The following MYO5B variants were observed in gnomAD, a reference collection of about 807,000 sequenced individuals.
MYO5B encodes the protein myosin VB, also known as unconventional myosin-Vb.
A neutral mutation model predicts 229.3 loss-of-function variants in MYO5B; 143 were observed. The ratio of observed to expected loss-of-function variants is 0.62; its 90% CI spans 0.54 to 0.72. MYO5B has a LOEUF of 0.72. MYO5B is among the 30% of genes least tolerant of loss of function. The pLI is 0.00. For missense variants in MYO5B, 2,321 were observed against 2,331.0 expected, an observed-to-expected ratio of 1.00 and a Z score of 0.09; for synonymous variants, 918 against 885.2, an observed-to-expected ratio of 1.04 and a Z score of -0.66.
At chr18:49,877,184 A>C (rs17657805) in intron 25 of MYO5B, among the ~76,000 whole-genome samples, 6,509 of 152,234 alleles carry the variant, frequency 0.043, 176 homozygotes, top group South Asian at 0.15. Context: ...CCAGAGGAAA[A>C]ATTGTATCTT....
intron 2 of MYO5B, among the ~76,000 whole-genome samples, chr18:50,052,641 C>T (rs1283421193): frequency 2.0e-5 from 3 of 149,792 alleles, no homozygotes; most frequent in African/African-American, 7.4e-5. Context: ...ACCAGCATGG[C>T]ACATGTATAC....
chr18:49,990,594 G>C, intron 6 of MYO5B, 74 bp from the exon 7 acceptor site: 1 of 1,282,228 alleles, frequency 7.8e-7, no homozygotes, highest in Non-Finnish European at 1.1e-6. Context: ...TGTAATCCCA[G>C]GGTGCTCCAG....
chr18:50,057,077 A>G (rs1285530391), intron 1 of MYO5B, among the ~76,000 whole-genome samples: 1 of 152,250 alleles, frequency 6.6e-6, no homozygotes, highest in African/African-American at 2.4e-5. Context: ...TGAGAGCTCC[A>G]GAGTAAAATA....
intron 1 of MYO5B, among the ~76,000 whole-genome samples, chr18:50,107,366 C>T (rs1371652868): frequency 7.2e-5 from 11 of 151,782 alleles, no homozygotes; most frequent in Admixed American, 2.0e-4. Flanking sequence ...ATCCAGGGTG[C>T]TCTTGAAGAA....
chr18:49,935,570 G>A (rs1361080640), intron 16 of MYO5B, among the ~76,000 whole-genome samples: 1 of 152,230 alleles, frequency 6.6e-6, no homozygotes, highest in Non-Finnish European at 1.5e-5. Flanking sequence ...TGTGGTCTCA[G>A]ATGTGCTGAA....
At chr18:49,937,428 GTGACA>G (rs2025264024) in intron 14 of MYO5B, 31 bp from the exon 15 acceptor site, 1 of 1,611,082 alleles carries the variant, frequency 6.2e-7, no homozygotes. Flanking sequence ...AATGATGAAA[GTGACA>G]TCTCCTGCAC....
chr18:49,900,413 C>T (rs1196170816), intron 21 of MYO5B, among the ~76,000 whole-genome samples: 1 of 152,192 alleles, frequency 6.6e-6, no homozygotes, highest in Non-Finnish European at 1.5e-5. Context: ...GCTTTGCTTC[C>T]CCAGTAAGGA....
chr18:49,858,643 G>A (rs530871234), intron 29 of MYO5B, among the ~76,000 whole-genome samples: 6 of 152,358 alleles, frequency 3.9e-5, no homozygotes, highest in African/African-American at 9.6e-5. Context: ...ACTCACACAA[G>A]GAAGTTAGGA....
chr18:49,901,347 C>T (rs2024839570), intron 21 of MYO5B, among the ~76,000 whole-genome samples: 3 of 152,160 alleles, frequency 2.0e-5, no homozygotes. Flanking sequence ...CTCGTCTATT[C>T]CATTAGACAA....
At chr18:50,160,848 T>C (rs1320155486) in intron 1 of MYO5B, among the ~76,000 whole-genome samples, 1 of 152,144 alleles carries the variant, frequency 6.6e-6, no homozygotes, top group African/African-American at 2.4e-5. Context: ...TTCAGAACTG[T>C]GTGGAGACTG....
At chr18:49,961,603 C>G (rs1023125229) in intron 12 of MYO5B, among the ~76,000 whole-genome samples, 4 of 152,266 alleles carry the variant, frequency 2.6e-5, no homozygotes, top group African/African-American at 4.8e-5. Context: ...CCTGGAGGAA[C>G]TGGTATATAT....
At chr18:50,067,413 G>A (rs1057340022) in intron 1 of MYO5B, among the ~76,000 whole-genome samples, 3 of 152,146 alleles carry the variant, frequency 2.0e-5, no homozygotes, top group African/African-American at 7.2e-5. Context: ...CAGATGAGCG[G>A]TGCTGCCCTC....
intron 1 of MYO5B, among the ~76,000 whole-genome samples, chr18:50,124,512 T>G (rs1444952918): frequency 7.5e-6 from 1 of 133,810 alleles, no homozygotes; most frequent in Non-Finnish European, 1.6e-5. Context: ...TCAAGTTGTT[T>G]TCAAGTGAAT....
chr18:49,850,390 A>G (rs1427175764), intron 31 of MYO5B: 1 of 152,924 alleles, frequency 6.5e-6, no homozygotes, highest in Non-Finnish European at 1.5e-5. Flanking sequence ...ACATTGGGTG[A>G]CAACTTTTTA....
intron 17 of MYO5B, among the ~76,000 whole-genome samples, chr18:49,915,872 C>T (rs2025008332): frequency 1.3e-5 from 2 of 152,188 alleles, no homozygotes; most frequent in Admixed American, 6.5e-5. Flanking sequence ...CCTGTCTCGG[C>T]CCCCAAGTTT....
chr18:50,094,371 C>G (rs2031509821), intron 1 of MYO5B, among the ~76,000 whole-genome samples: 1 of 152,046 alleles, frequency 6.6e-6, no homozygotes, highest in Admixed American at 6.6e-5. Context: ...GGCTTAGAAA[C>G]AGGGAGGGGA....
At chr18:49,826,715 G>T in intron 39 of MYO5B, 92 bp from the exon 40 acceptor site, 1 of 1,450,242 alleles carries the variant, frequency 6.9e-7, no homozygotes, top group Non-Finnish European at 9.7e-7. Context: ...CATATATCAT[G>T]GAAAGATTTC....
At chr18:50,007,551 C>G (rs1164872760) in intron 4 of MYO5B, among the ~76,000 whole-genome samples, 1 of 152,220 alleles carries the variant, frequency 6.6e-6, no homozygotes, top group Non-Finnish European at 1.5e-5. Context: ...CCCACATCTA[C>G]TGTGTTCAAG....
At chr18:49,917,574 G>A (rs1259470918) in intron 17 of MYO5B, among the ~76,000 whole-genome samples, 1 of 152,022 alleles carries the variant, frequency 6.6e-6, no homozygotes, top group East Asian at 1.9e-4. Context: ...GATGGCCATC[G>A]AGACGCCTTT....
Sources: allele counts gnomAD v4.1 joint callset (sites outside exome capture counted in the v4.1 genomes callset), GRCh38; gene constraint gnomAD v4.1.1; transcripts MANE v1.5; gene names NCBI Gene and HGNC (gene_info 2026-07-23, HGNC 2026-07-21).